The following CHD4 variants were observed in gnomAD, a reference collection of about 807,000 sequenced individuals.
The protein encoded by CHD4 is chromodomain helicase DNA binding protein 4.
A neutral mutation model predicts 235.5 loss-of-function variants in CHD4; 35 were observed. The ratio of observed to expected loss-of-function variants is 0.15; its 90% CI spans 0.11 to 0.20. The LOEUF is 0.20. CHD4 is among the 10% of genes least tolerant of loss of function. The pLI, the probability that CHD4 is intolerant of heterozygous loss-of-function variation, is 1.00. For missense variants in CHD4, 1,329 were observed against 2,432.3 expected, an observed-to-expected ratio of 0.55 and a Z score of 9.54; for synonymous variants, 900 against 850.2, an observed-to-expected ratio of 1.06 and a Z score of -1.02.
rs375059839 is a variant in CHD4, at chr12:6,583,127, G to A, written c.4061-14C>T. 45 of 1,560,610 alleles carry A rather than the reference G, an allele frequency of 2.9e-5. No individual in the cohort carries two copies. Among genetic ancestry groups the A allele is most frequent in the Non-Finnish European group, 3.7e-5 (42 of 1,148,792 alleles). ...CGTCCTGCCAATCTGGAGGGAGAGAGGGCAGATGAGCGGGGCCCACTGCTC... is the reference window on the plus strand; with the variant it reads ...CGTCCTGCCAATCTGGAGGGAGAGAAGGCAGATGAGCGGGGCCCACTGCTC... On this transcript the variant is annotated splice_polypyrimidine_tract_variant and intron_variant, in intron 26 of 39. Transcript: ENST00000544040.
chr12:6,595,423 T>A lies in CHD4; in HGVS notation c.2032A>T (p.Met678Leu), dbSNP rs995007482. ...KQSYWNHREL[M>L]RGEEGRPGKK... ...CCTGGTCGGCCTTCCTCACCCCTCATTAACTCCCTAAAGAAGAAAGACATC... is the reference window on the plus strand; with the variant it reads ...CCTGGTCGGCCTTCCTCACCCCTCAATAACTCCCTAAAGAAGAAAGACATC... The change falls in exon 14 of 40, where the codon ATG becomes TTG. Residue 678 changes from methionine to leucine, a missense_variant. By Grantham distance (15) the Met-to-Leu change is conservative (BLOSUM62 2). Coordinates refer to ENST00000544040, the MANE Select transcript of CHD4 (RefSeq NM_001273.5). The A allele has an allele frequency of 6.2e-7, 1 of 1,613,762 alleles. No homozygotes were observed. The highest frequency in any genetic ancestry group is 8.5e-7 in the Non-Finnish European group (1 of 1,179,782).
chr12:6,590,750 G>A (rs1948380898), intron 22 of CHD4, among the ~76,000 whole-genome samples: 1 of 152,256 alleles, frequency 6.6e-6, no homozygotes, highest in Non-Finnish European at 1.5e-5. Flanking sequence ...GAGCCTGGGG[G>A]TGTGTCCAGG....
chr12:6,576,724 T>A (rs1291134290), intron 37 of CHD4, among the ~76,000 whole-genome samples: 1 of 152,086 alleles, frequency 6.6e-6, no homozygotes, highest in Non-Finnish European at 1.5e-5. Context: ...TGGAGAACTT[T>A]CTTATGCCAA....
At chr12:6,582,576 C>T in intron 29 of CHD4, 39 bp downstream of exon 29, 1 of 1,570,962 alleles carries the variant, frequency 6.4e-7, no homozygotes, top group African/African-American at 1.4e-5. Flanking sequence ...ATAGCAGAAG[C>T]CCTTGCTCTA....
At position 6,597,608 on chromosome 12, in the gene CHD4, T is replaced by C. The variant is rs867425695; in HGVS notation, c.1892+286A>G. 9.3e-5 allele frequency among the ~76,000 whole-genome samples: 14 copies of C among 151,254 alleles called. 1 individual carries two copies. Among genetic ancestry groups the C allele is most frequent in the Middle Eastern group, 6.9e-3 (2 of 290 alleles). ...ATGAAAACCCTGTCTCTACTAAAAA[T>C]ACAAAAAATTAGCTGGGCATGGTGG... On this transcript the variant is annotated intron_variant, in intron 12 of 39. Transcript: ENST00000544040.
intron 25 of CHD4, among the ~76,000 whole-genome samples, chr12:6,585,432 C>T (rs965311294): frequency 2.0e-5 from 3 of 151,476 alleles, no homozygotes; most frequent in Non-Finnish European, 2.9e-5. Context: ...TACAGGCGCC[C>T]GCCACCACGC....
chr12:6,578,384 C>T, intron 35 of CHD4, 25 bp downstream of exon 35: 1 of 1,608,036 alleles, frequency 6.2e-7, no homozygotes, highest in South Asian at 1.1e-5. Context: ...TCCTTCTAAC[C>T]CTGGTGGGCC....
In CHD4 at chr12:6,593,718, G is replaced by GAC; in HGVS notation, c.2314-104_2314-103dup. 3.0e-6 allele frequency: 3 copies of GAC among 1,012,046 alleles called. No homozygotes were observed. In the South Asian group the frequency reaches 4.3e-5, roughly 15 times the overall value. 62.7% of individuals were successfully genotyped at this position (1,012,046 alleles called of 1,614,324 possible). ...GCCCCCTCAAGCTGAGCCAAGGACT[G>GAC]ACACACCTGCGCTGCTGCTCCTGCT... is the stretch of plus-strand genomic sequence containing the variant. On this transcript the variant is annotated intron_variant, in intron 15 of 39. Transcript: ENST00000544040. This position sits in a 1 kb window ranked among gnomAD's most constrained non-coding sequence, Gnocchi z 4.9.
At chr12:6,595,504 G>T in intron 13 of CHD4, 74 bp from the exon 14 acceptor site, 1 of 1,271,590 alleles carries the variant, frequency 7.9e-7, no homozygotes, top group Non-Finnish European at 1.1e-6. Flanking sequence ...AGGCACAGTG[G>T]CTCACACCTG....
chr12:6,571,398 T>A (rs1947965881), intron 38 of CHD4: 1 of 204,500 alleles, frequency 4.9e-6, no homozygotes, highest in African/African-American at 2.3e-5. Context: ...TTTACTTTAA[T>A]TAGAAACAAA....
intron 38 of CHD4, among the ~76,000 whole-genome samples, chr12:6,572,228 C>G (rs1183222875): frequency 1.3e-5 from 2 of 151,568 alleles, no homozygotes; most frequent in African/African-American, 4.9e-5. Context: ...CAGTTTGAGA[C>G]CAGCCTTGCC....
Position 6,577,779 on chromosome 12 carries a change from G to T in CHD4, c.5361+6C>A, listed in dbSNP as rs368491094. ...TTAAGCAATATATTCCTCCCCAACC[G>T]CTCACCTTAAACCTTCGAGCTAGAA... On this transcript the variant is annotated splice_donor_region_variant and intron_variant, in intron 37 of 39. Coordinates refer to ENST00000544040, the MANE Select transcript of CHD4 (RefSeq NM_001273.5). The T allele has an allele frequency of 6.2e-7, 1 of 1,613,756 alleles. No individual in the cohort carries two copies. The highest frequency in any genetic ancestry group is 1.1e-5 in the South Asian group (1 of 91,072).
At chr12:6,590,165 T>G (rs1948367974) in intron 22 of CHD4, 1 of 151,926 alleles carries the variant, frequency 6.6e-6, no homozygotes, top group African/African-American at 2.4e-5. Flanking sequence ...GCCACTGCAC[T>G]CCAATCTGGG....
intron 12 of CHD4, among the ~76,000 whole-genome samples, 172 bp downstream of exon 12, chr12:6,597,722 C>T (rs146256690): frequency 0.02 from 3,121 of 152,266 alleles, 107 homozygotes; most frequent in African/African-American, 0.071. Context: ...GCCGAGATCA[C>T]GCCACTGCAC....
At position 6,601,981 on chromosome 12, in the gene CHD4, C is replaced by CA. The variant is rs1565619053; in HGVS notation, c.416_417insT (p.Glu139AspfsTer3). 9.0e-6 allele frequency: 14 copies of CA among 1,561,628 alleles called. No homozygotes were observed. Among genetic ancestry groups the CA allele is most frequent in the African/African-American group, 8.2e-5 (6 of 72,862 alleles). ...GCACCTTTGAATCATCATCATCATC[C>CA]TCCTCCTCCTCCTCCTCCTTCCGCT... On this transcript the variant is annotated frameshift_variant, in exon 4 of 40. Coordinates refer to ENST00000544040, the MANE Select transcript of CHD4 (RefSeq NM_001273.5). LOFTEE classifies it high-confidence loss of function.
intron 2 of CHD4, among the ~76,000 whole-genome samples, chr12:6,603,743 CCTCA>C (rs1948639644): frequency 6.6e-6 from 1 of 152,014 alleles, no homozygotes; most frequent in African/African-American, 2.4e-5. Flanking sequence ...TCGATCACTC[CCTCA>C]ATCATAATTA....
chr12:6,589,757 CTT>C (rs1438647998), intron 22 of CHD4, among the ~76,000 whole-genome samples: 2 of 147,908 alleles, frequency 1.4e-5, no homozygotes, highest in Non-Finnish European at 1.5e-5. Flanking sequence ...CAGAGCAAGA[CTT>C]TGTCTCAAAA....
Position 6,578,019 on chromosome 12 carries a change from C to A in CHD4, c.5228+10G>T. ...CCAAAAGCCTCAGTACAGATTCAGG[C>A]AAAGGATACTTTATAATGCCGGCTA... On this transcript the variant is annotated intron_variant, in intron 36 of 39. Transcript: ENST00000544040. 1.2e-6 allele frequency: 2 copies of A among 1,612,056 alleles called. No individual in the cohort carries two copies. The highest frequency in any genetic ancestry group is 1.7e-6 in the Non-Finnish European group (2 of 1,179,918).
At chr12:6,577,299 G>A (rs1041028873) in intron 37 of CHD4, among the ~76,000 whole-genome samples, 1 of 151,688 alleles carries the variant, frequency 6.6e-6, no homozygotes, top group African/African-American at 2.4e-5. Context: ...GCAGGCGCCT[G>A]TAATCTCAGC....
Sources: allele counts gnomAD v4.1 joint callset (sites outside exome capture counted in the v4.1 genomes callset), GRCh38; gene constraint gnomAD v4.1.1; non-coding constraint Gnocchi (gnomAD v3.1); transcripts MANE v1.5; gene names NCBI Gene and HGNC (gene_info 2026-07-23, HGNC 2026-07-21).